Variants in WDR41 observed in about 807,000 individuals in gnomAD.
WDR41 encodes WD repeat-containing protein 41.
WDR41 carries 63 observed loss-of-function variants against 69.3 expected under a neutral mutation model. That is an observed-to-expected ratio of 0.91 (90% CI 0.74 to 1.12). The LOEUF (loss-of-function observed/expected upper bound fraction) is 1.12. Ranked by LOEUF, WDR41 falls within the 50% of genes most tolerant of loss-of-function variation. The probability of loss-of-function intolerance (pLI) is 0.00; values close to 1 mark genes in which losing one functional copy is unlikely to be tolerated. For synonymous variants in WDR41, 185 were observed against 192.1 expected (o/e 0.96, Z 0.31); for missense variants, 543 against 534.5 (o/e 1.02, Z -0.16).
chr5:77,509,373 T>C (rs905209244), intron 1 of WDR41, among the ~76,000 whole-genome samples: 7 of 152,134 alleles, frequency 4.6e-5, no homozygotes, highest in Non-Finnish European at 8.8e-5. Flanking sequence ...CCTAGGTATA[T>C]AATCAAGAGA....
At chr5:77,470,456 A>G (rs755903968) in intron 2 of WDR41, among the ~76,000 whole-genome samples, 77 of 152,174 alleles carry the variant, frequency 5.1e-4, no homozygotes, top group Non-Finnish European at 1.0e-3. Flanking sequence ...AATGGGCTAA[A>G]TGCTCCAATT....
chr5:77,536,517 C>T (rs1581789733), intron 1 of WDR41, among the ~76,000 whole-genome samples: 1 of 152,232 alleles, frequency 6.6e-6, no homozygotes, highest in East Asian at 1.9e-4. Flanking sequence ...AAAAAGACAT[C>T]ACCAACAAAG....
At position 77,436,241 on chromosome 5, in the gene WDR41, C is replaced by G; in HGVS notation, c.1227+20G>C. 1 of 1,602,866 alleles carries G rather than the reference C, an allele frequency of 6.2e-7. No homozygotes were observed. ...CAAAAGCAGGAGTTGCTTGGACATT[C>G]TGTGGCTAAACAGCAATACCTCCAC... On this transcript the variant is annotated intron_variant, in intron 12 of 12. Transcript: ENST00000296679.
At chr5:77,588,526 A>ATG (rs1286428189) in intron 1 of WDR41, among the ~76,000 whole-genome samples, 1 of 152,162 alleles carries the variant, frequency 6.6e-6, no homozygotes, top group African/African-American at 2.4e-5. Context: ...TGGAAAAAAA[A>ATG]TGACCCTTTC....
chr5:77,476,412 G>A (rs1386453329), intron 2 of WDR41, among the ~76,000 whole-genome samples: 1 of 151,886 alleles, frequency 6.6e-6, no homozygotes, highest in Admixed American at 6.5e-5. Flanking sequence ...AATGTTAAGG[G>A]CAGCCAGAGA....
intron 2 of WDR41, among the ~76,000 whole-genome samples, chr5:77,475,154 T>G (rs1032696567): frequency 1.3e-5 from 2 of 152,162 alleles, no homozygotes; most frequent in Non-Finnish European, 2.9e-5. Flanking sequence ...TGCACCTCAC[T>G]TGGAGGGTCC....
chr5:77,573,679 A>G (rs2112277427), intron 1 of WDR41, among the ~76,000 whole-genome samples: 1 of 152,272 alleles, frequency 6.6e-6, no homozygotes, highest in East Asian at 1.9e-4. Flanking sequence ...CCCCAGATTT[A>G]TAGAAAGGGG....
At chr5:77,447,058 A>G (rs1296292235) in intron 8 of WDR41, among the ~76,000 whole-genome samples, 1 of 152,228 alleles carries the variant, frequency 6.6e-6, no homozygotes, top group Non-Finnish European at 1.5e-5. Context: ...CAGAATTTAC[A>G]AGGAACTTAA....
intron 1 of WDR41, among the ~76,000 whole-genome samples, chr5:77,608,741 G>T (rs1274034756): frequency 2.6e-5 from 4 of 152,236 alleles, no homozygotes; most frequent in African/African-American, 4.8e-5. Flanking sequence ...GAAGATGGGT[G>T]ATTTCTGCAT....
At chr5:77,570,107 A>G (rs1561227269) in intron 1 of WDR41, among the ~76,000 whole-genome samples, 1 of 152,274 alleles carries the variant, frequency 6.6e-6, no homozygotes, top group Non-Finnish European at 1.5e-5. Context: ...AAAAATAAGT[A>G]TCAGGAACCC....
At chr5:77,528,339 C>CA (rs1440689204) in intron 1 of WDR41, among the ~76,000 whole-genome samples, 1 of 151,334 alleles carries the variant, frequency 6.6e-6, no homozygotes, top group Non-Finnish European at 1.5e-5. Context: ...TACAATTTAC[C>CA]AAAATGACAC....
intron 1 of WDR41, among the ~76,000 whole-genome samples, chr5:77,559,428 C>T (rs1055889014): frequency 6.6e-6 from 1 of 151,998 alleles, no homozygotes; most frequent in African/African-American, 2.4e-5. Flanking sequence ...CTGTGTTTAA[C>T]AACAGGCTGG....
chr5:77,500,769 T>C (rs1581775279), intron 1 of WDR41, among the ~76,000 whole-genome samples: 1 of 152,220 alleles, frequency 6.6e-6, no homozygotes, highest in Admixed American at 6.5e-5. Context: ...ATAGACAAGC[T>C]GCTTCTAATA....
At chr5:77,546,880 A>G (rs1743209251) in intron 1 of WDR41, among the ~76,000 whole-genome samples, 1 of 152,146 alleles carries the variant, frequency 6.6e-6, no homozygotes, top group Non-Finnish European at 1.5e-5. Context: ...TTAACAAAAT[A>G]CTAGCTAACC....
At chr5:77,578,129 A>G (rs999773335) in intron 1 of WDR41, among the ~76,000 whole-genome samples, 3 of 152,232 alleles carry the variant, frequency 2.0e-5, no homozygotes, top group East Asian at 1.9e-4. Context: ...TACTAAATGC[A>G]TATTACTTTT....
intron 9 of WDR41, 94 bp from the exon 10 acceptor site, chr5:77,438,455 C>G: frequency 6.6e-7 from 1 of 1,513,166 alleles, no homozygotes; most frequent in South Asian, 1.3e-5. Context: ...AGAAAGCCAC[C>G]ATTACCTTTC....
chr5:77,594,346 A>G (rs1744186985), intron 1 of WDR41, among the ~76,000 whole-genome samples: 1 of 152,048 alleles, frequency 6.6e-6, no homozygotes, highest in Non-Finnish European at 1.5e-5. Context: ...GCACACCAAC[A>G]TAGCACATGT....
At chr5:77,567,763 A>G (rs1009530190) in intron 1 of WDR41, among the ~76,000 whole-genome samples, 3 of 151,808 alleles carry the variant, frequency 2.0e-5, no homozygotes, top group African/African-American at 7.3e-5. Context: ...CTTTCTCTAG[A>G]GAGTCTGACT....
intron 12 of WDR41, 42 bp downstream of exon 12, chr5:77,436,219 A>T: frequency 6.3e-7 from 1 of 1,586,950 alleles, no homozygotes; most frequent in East Asian, 2.3e-5. Context: ...TGAAATGCAA[A>T]AGCAGGAGTT....
Sources: allele counts gnomAD v4.1 joint callset (sites outside exome capture counted in the v4.1 genomes callset), GRCh38; gene constraint gnomAD v4.1.1; transcripts MANE v1.5; gene names NCBI Gene and HGNC (gene_info 2026-07-23, HGNC 2026-07-21).